The following CELF1 variants were observed in gnomAD, a reference collection of about 807,000 sequenced individuals.
CELF1 encodes CUGBP Elav-like family member 1, also known as 50 kDa nuclear polyadenylated RNA-binding protein.
Under a neutral mutation model 61.8 loss-of-function variants are expected in CELF1, and 10 were observed. That is an observed-to-expected ratio of 0.16 (90% confidence interval 0.10 to 0.27). CELF1 has a LOEUF of 0.27. Among genes scored for constraint, CELF1 ranks in the 10% least tolerant of loss-of-function variants. The pLI is 1.00. For missense variants in CELF1, 380 were observed against 639.1 expected (o/e 0.59, Z 4.37); for synonymous variants, 236 against 225.1 (o/e 1.05, Z -0.43).
chr11:47,492,685 C>T (rs916469678), intron 3 of CELF1, among the ~76,000 whole-genome samples: 17 of 151,970 alleles, frequency 1.1e-4, no homozygotes, highest in African/African-American at 3.6e-4. Flanking sequence ...TGAGCTGAGA[C>T]GGGGCCACTG....
chr11:47,556,750 G>A (rs1332088230), upstream of CELF1, among the ~76,000 whole-genome samples: 2 of 152,106 alleles, frequency 1.3e-5, no homozygotes, highest in African/African-American at 2.4e-5. Context: ...ATGGTGGCAT[G>A]TACATCTGCA....
At chr11:47,522,141 G>A (rs1215527428) in intron 1 of CELF1, among the ~76,000 whole-genome samples, 2 of 151,936 alleles carry the variant, frequency 1.3e-5, no homozygotes, top group African/African-American at 4.8e-5. Context: ...TTGAACTCCC[G>A]ACCTCAGGTG....
chr11:47,532,202 TG>T (rs759481022), intron 1 of CELF1, among the ~76,000 whole-genome samples: 2 of 152,144 alleles, frequency 1.3e-5, no homozygotes, highest in Non-Finnish European at 2.9e-5. Flanking sequence ...AAATAATTTT[TG>T]TATTGTTAGT....
intron 2 of CELF1, among the ~76,000 whole-genome samples, chr11:47,561,009 G>C (rs377003910): frequency 6.6e-6 from 1 of 151,398 alleles, no homozygotes; most frequent in African/African-American, 2.4e-5. Flanking sequence ...GTGGTGGTGG[G>C]CGCCTGTAGT....
chr11:47,517,702 GAGTACA>G (rs2095633686), intron 1 of CELF1, among the ~76,000 whole-genome samples: 2 of 149,218 alleles, frequency 1.3e-5, no homozygotes, highest in South Asian at 2.1e-4. Context: ...GCCCAGGCTA[GAGTACA>G]ATGGCGCAAT....
chr11:47,522,198 C>T (rs973756439), intron 1 of CELF1, among the ~76,000 whole-genome samples: 2 of 151,744 alleles, frequency 1.3e-5, no homozygotes. Flanking sequence ...CAGGTGTGAG[C>T]CACCTTGCCC....
chr11:47,562,322 T>C (rs2097228584), intron 2 of CELF1, among the ~76,000 whole-genome samples: 1 of 151,414 alleles, frequency 6.6e-6, no homozygotes, highest in Admixed American at 6.6e-5. Context: ...GTCCAGGAGT[T>C]CGAGACCAAC....
intron 1 of CELF1, among the ~76,000 whole-genome samples, chr11:47,533,048 TTCCTGGGGGTGGA>T (rs2096528226): frequency 6.6e-6 from 1 of 152,094 alleles, no homozygotes; most frequent in East Asian, 1.9e-4. Flanking sequence ...CCCACTAGGA[TTCCTGGGGGTGGA>T]TCCAGAAGGC....
At chr11:47,551,603 G>C (rs1249460474) in intron 1 of CELF1, among the ~76,000 whole-genome samples, 1 of 152,238 alleles carries the variant, frequency 6.6e-6, no homozygotes, top group African/African-American at 2.4e-5. Context: ...GATTAATAGA[G>C]AGGCTGAAAC....
rs116008221 is a variant in CELF1 at position 47,483,400 on chromosome 11, G to A, written c.606+53C>T. Reference sequence around the variant, plus strand: ...TGCTGCTGGACTTTAATGGCCAACTGTCCCAGCATTCCCAAGCTGAGGAAT... The same window carrying A: ...TGCTGCTGGACTTTAATGGCCAACTATCCCAGCATTCCCAAGCTGAGGAAT... On this transcript the variant is annotated intron_variant, in intron 8 of 14. Coordinates refer to ENST00000687097, the MANE Select transcript of CELF1 (RefSeq NM_001376376.1). The A allele has an allele frequency of 1.3e-3, 1,860 of 1,414,538 alleles. 25 individuals carry two copies. The African/African-American group carries it at 0.024, about 18-fold the overall frequency. The allele number at this position is 1,414,538 out of a possible 1,614,324, so 87.6% of individuals were successfully genotyped here.
chr11:47,558,458 AT>A (rs1430003142), intron 2 of CELF1, among the ~76,000 whole-genome samples: 1 of 129,948 alleles, frequency 7.7e-6, no homozygotes, highest in African/African-American at 3.1e-5. Flanking sequence ...TATATAATAT[AT>A]TAGATGAAAC....
intron 1 of CELF1, among the ~76,000 whole-genome samples, chr11:47,520,430 A>C (rs1345864064): frequency 1.2e-4 from 18 of 152,186 alleles, no homozygotes; most frequent in African/African-American, 4.3e-4. Flanking sequence ...TTATAAGTTT[A>C]TGGATATGGC....
intron 1 of CELF1, among the ~76,000 whole-genome samples, chr11:47,541,971 A>G (rs1373338785): frequency 6.6e-6 from 1 of 152,168 alleles, no homozygotes; most frequent in East Asian, 1.9e-4. Context: ...TAATGGAGTT[A>G]TAACTTAGAA....
intron 1 of CELF1, among the ~76,000 whole-genome samples, chr11:47,545,883 G>GTGTC (rs1318973048): frequency 2.4e-5 from 3 of 124,850 alleles, no homozygotes; most frequent in African/African-American, 3.3e-5. Context: ...GTGTGTGTGT[G>GTGTC]TGTGTGTGTG....
At position 47,535,348 on chromosome 11, in the gene CELF1, T is replaced by C. The variant is rs116860666; in HGVS notation, c.-154+17644A>G. 6.2e-4 allele frequency among the ~76,000 whole-genome samples: 95 copies of C among 152,208 alleles called. 4 individuals are homozygous for C. The East Asian group carries it at 0.017, about 27-fold the overall frequency. ...TATGGAGATAAGATATACCATTAAC[T>C]ACCGTAGGCAATAGTTATTAAGATA... On this transcript the variant is annotated intron_variant, in intron 1 of 14. Coordinates refer to ENST00000687097, the MANE Select transcript of CELF1 (RefSeq NM_001376376.1).
chr11:47,491,820 A>G (rs1313720993), intron 3 of CELF1, among the ~76,000 whole-genome samples: 1 of 152,250 alleles, frequency 6.6e-6, no homozygotes, highest in Non-Finnish European at 1.5e-5. Context: ...ATCCGGTTCA[A>G]AGTAAGCACT....
At chr11:47,561,103 A>T (rs2097223318) in intron 2 of CELF1, among the ~76,000 whole-genome samples, 1 of 140,722 alleles carries the variant, frequency 7.1e-6, no homozygotes, top group Non-Finnish European at 1.5e-5. Flanking sequence ...ATGCCACTGC[A>T]CTCTAGCCTG....
rs1357693504 is a variant in CELF1 at position 47,553,039 on chromosome 11, T to TCCGCAG, written c.-207_-202dup. 1.3e-5 allele frequency: 5 copies of TCCGCAG among 398,038 alleles called. No homozygotes were observed. Among genetic ancestry groups the TCCGCAG allele is most frequent in the Non-Finnish European group, 2.2e-5 (5 of 227,648 alleles). 24.7% of individuals were successfully genotyped at this position (398,038 alleles called of 1,614,324 possible). On this transcript the variant is annotated 5_prime_UTR_variant, in exon 1 of 15. Coordinates refer to ENST00000687097, the MANE Select transcript of CELF1 (RefSeq NM_001376376.1). ...CGCTGCCTCAGTTGCTGCCTGCGCC[T>TCCGCAG]CCGCAGCCGCCGCCGCCGCCTCGCT...
At chr11:47,553,181 G>A (rs971485266), upstream of CELF1, 1 of 392,728 alleles carries the variant, frequency 2.5e-6, no homozygotes, top group Non-Finnish European at 4.5e-6. Context: ...GGAGGGCAGA[G>A]GAGGAGGGGG....
Sources: gnomAD v4.1 joint callset for allele counts (sites outside exome capture counted in the v4.1 genomes callset) on GRCh38, gnomAD v4.1.1 for gene constraint, MANE v1.5 for transcripts, NCBI Gene and HGNC (gene_info 2026-07-23, HGNC 2026-07-21) for gene names.